Variants in FAM171A1 observed in about 807,000 individuals in gnomAD.
FAM171A1 encodes the protein family with sequence similarity 171 member A1, also known as protein FAM171A1.
In FAM171A1, 23 loss-of-function variants were observed where a neutral mutation model predicts 74.9. That is an observed-to-expected ratio of 0.31 (90% CI 0.22 to 0.44). The LOEUF is 0.44. Ranked by LOEUF, FAM171A1 falls within the 20% of genes least tolerant of loss-of-function variation. The probability of loss-of-function intolerance (pLI) is 1.00; values close to 1 mark genes in which losing one functional copy is unlikely to be tolerated. For missense variants in FAM171A1, 1,162 were observed against 1,159.2 expected (o/e 1.00, Z -0.03); for synonymous variants, 527 against 505.7 (o/e 1.04, Z -0.57).
chr10:15,226,779 A>G (rs1010858272), intron 5 of FAM171A1, among the ~76,000 whole-genome samples: 7 of 152,050 alleles, frequency 4.6e-5, no homozygotes, highest in Non-Finnish European at 1.5e-5. Flanking sequence ...CTTGCGCTGA[A>G]TACTCCCCCC....
intron 3 of FAM171A1, among the ~76,000 whole-genome samples, chr10:15,268,565 G>T (rs958951777): frequency 2.6e-5 from 4 of 151,966 alleles, no homozygotes; most frequent in African/African-American, 9.7e-5. Context: ...TGCCTGACAG[G>T]CCTCCAAGCA....
intron 1 of FAM171A1, among the ~76,000 whole-genome samples, chr10:15,357,223 C>T (rs1230794745): frequency 3.3e-5 from 5 of 152,170 alleles, no homozygotes; most frequent in African/African-American, 4.8e-5. Context: ...GTGGAGCTTG[C>T]AGTGGGCCGA....
At chr10:15,275,002 A>G (rs113925825) in intron 3 of FAM171A1, among the ~76,000 whole-genome samples, 4 of 152,176 alleles carry the variant, frequency 2.6e-5, no homozygotes, top group African/African-American at 9.7e-5. Context: ...TATCGCAAGG[A>G]CAGAAAACCA....
intron 4 of FAM171A1, among the ~76,000 whole-genome samples, chr10:15,252,887 C>G (rs1834527882): frequency 1.3e-5 from 2 of 152,202 alleles, no homozygotes; most frequent in Admixed American, 1.3e-4. Flanking sequence ...GGAAGTGGGG[C>G]ACAGAAAAAT....
chr10:15,213,732 G>T lies in FAM171A1; in HGVS notation c.1856C>A (p.Ser619Tyr). 1 of 1,613,458 alleles carries T rather than the reference G, an allele frequency of 6.2e-7. No individual in the cohort carries two copies. The highest frequency in any genetic ancestry group is 8.5e-7 in the Non-Finnish European group (1 of 1,179,548). Residue 619 changes from serine (S) to tyrosine (Y), a missense_variant, in exon 8 of 8, where the codon TCC (serine) becomes TAC (tyrosine). Coordinates refer to ENST00000378116, the MANE Select transcript of FAM171A1 (RefSeq NM_001010924.2). This position sits in a 1 kb window ranked among gnomAD's most constrained non-coding sequence, Gnocchi z 6.8. ...LEIERLQAEL[S>Y]NPHAGIFPHP... ...TGGGAAGATCCCGGCATGGGGATTG[G>T]ACAGCTCAGCCTGTAGTCTTTCTAT...
intron 1 of FAM171A1, among the ~76,000 whole-genome samples, chr10:15,307,102 C>T (rs1448183020): frequency 2.6e-5 from 4 of 152,174 alleles, no homozygotes; most frequent in Non-Finnish European, 5.9e-5. Context: ...TGTGCTGACC[C>T]AGGAGCATGA....
intron 3 of FAM171A1, among the ~76,000 whole-genome samples, chr10:15,273,069 C>T (rs1480762043): frequency 2.0e-5 from 3 of 151,842 alleles, no homozygotes; most frequent in Admixed American, 6.6e-5. Context: ...GATAGAGACA[C>T]AAAAAACCCT....
chr10:15,243,012 C>T (rs1257359128), intron 5 of FAM171A1, among the ~76,000 whole-genome samples: 2 of 152,160 alleles, frequency 1.3e-5, no homozygotes, highest in African/African-American at 4.8e-5. Flanking sequence ...TAAAACAGCA[C>T]AGATTTACTT....
At chr10:15,275,596 T>G (rs181566043) in intron 3 of FAM171A1, among the ~76,000 whole-genome samples, 72 of 152,238 alleles carry the variant, frequency 4.7e-4, no homozygotes, top group African/African-American at 1.6e-3. Flanking sequence ...AAGATTTTAG[T>G]AGGTGGCCCA....
chr10:15,359,288 A>G (rs1835966637), intron 1 of FAM171A1, among the ~76,000 whole-genome samples: 1 of 152,236 alleles, frequency 6.6e-6, no homozygotes, highest in African/African-American at 2.4e-5. Flanking sequence ...TCCTAAAGTC[A>G]GCATACAAAA....
intron 2 of FAM171A1, among the ~76,000 whole-genome samples, chr10:15,281,160 C>G (rs1834963527): frequency 6.6e-6 from 1 of 152,162 alleles, no homozygotes. Context: ...TGTGAAATGT[C>G]TCACTTCCCT....
intron 1 of FAM171A1, among the ~76,000 whole-genome samples, chr10:15,356,012 T>G (rs1481046157): frequency 2.0e-5 from 3 of 151,998 alleles, no homozygotes; most frequent in Admixed American, 2.0e-4. Flanking sequence ...TTGAGATCAT[T>G]TGATCATTTG....
intron 1 of FAM171A1, among the ~76,000 whole-genome samples, chr10:15,313,769 A>T (rs1835391288): frequency 6.6e-6 from 1 of 152,222 alleles, no homozygotes; most frequent in African/African-American, 2.4e-5. Context: ...TCACATTGTC[A>T]TCCTTAATTT....
intron 1 of FAM171A1, among the ~76,000 whole-genome samples, chr10:15,355,847 C>G (rs996290566): frequency 6.6e-6 from 1 of 152,112 alleles, no homozygotes; most frequent in African/African-American, 2.4e-5. Context: ...TACTTCCTCT[C>G]TCTCCCATTC....
chr10:15,330,347 T>C (rs1835612721), intron 1 of FAM171A1, among the ~76,000 whole-genome samples: 1 of 152,120 alleles, frequency 6.6e-6, no homozygotes, highest in Non-Finnish European at 1.5e-5. Context: ...TGAATTATTT[T>C]ACCACAGTGT....
intron 5 of FAM171A1, among the ~76,000 whole-genome samples, chr10:15,238,458 T>C (rs966864972): frequency 3.9e-5 from 6 of 152,310 alleles, no homozygotes; most frequent in African/African-American, 1.4e-4. Context: ...AATAATAGTT[T>C]CATTTTCTTT....
intron 5 of FAM171A1, among the ~76,000 whole-genome samples, chr10:15,226,676 C>G (rs887476866): frequency 1.3e-5 from 2 of 152,178 alleles, no homozygotes; most frequent in African/African-American, 4.8e-5. Flanking sequence ...TTTCTTCATC[C>G]CTCAGGGTCA....
At chr10:15,234,691 C>T (rs1037211127) in intron 5 of FAM171A1, among the ~76,000 whole-genome samples, 11 of 150,560 alleles carry the variant, frequency 7.3e-5, no homozygotes, top group African/African-American at 2.4e-4. Flanking sequence ...CTTGCTCTGT[C>T]GCCCAGGCTG....
At chr10:15,258,900 C>T (rs1465875885) in intron 3 of FAM171A1, among the ~76,000 whole-genome samples, 2 of 152,168 alleles carry the variant, frequency 1.3e-5, no homozygotes, top group East Asian at 1.9e-4. Context: ...GTGCTCTGCT[C>T]GCTCCCTGTG....
Sources: gnomAD v4.1 joint callset for allele counts (sites outside exome capture counted in the v4.1 genomes callset) on GRCh38, gnomAD v4.1.1 for gene constraint, Gnocchi (gnomAD v3.1) non-coding constraint, MANE v1.5 for transcripts, NCBI Gene and HGNC (gene_info 2026-07-23, HGNC 2026-07-21) for gene names.